PRDM1: variants seen among roughly 807,000 people sequenced by gnomAD.
PRDM1 encodes PR domain zinc finger protein 1.
PRDM1 carries 13 observed loss-of-function variants against 62.8 expected under a neutral mutation model. That is an observed-to-expected ratio of 0.21 (90% CI 0.13 to 0.33). The LOEUF (loss-of-function observed/expected upper bound fraction) is 0.33, where lower values mean the gene tolerates loss of function less well. PRDM1 is among the 10% of genes least tolerant of loss of function. The pLI is 1.00. For synonymous variants in PRDM1, 396 were observed against 417.6 expected, an observed-to-expected ratio of 0.95 and a Z score of 0.63; for missense variants, 895 against 1,058.8, an observed-to-expected ratio of 0.85 and a Z score of 2.15.
chr6:106,046,119 A>G (rs906833260), upstream of PRDM1: 13 of 152,076 alleles, frequency 8.5e-5, no homozygotes, highest in African/African-American at 3.1e-4. Context: ...CAAAACAAAC[A>G]AAAAAAACCA....
In PRDM1 at chr6:106,106,789, G is replaced by T; in HGVS notation, c.1903-122G>T. The stretch of plus-strand genomic sequence containing the variant: ...AATACCACACTGGAGGTGCCACAAG[G>T]AGGCTTCTCACCTCCTAGGTTGCTG... On this transcript the variant is annotated intron_variant, in intron 6 of 6. Coordinates refer to ENST00000369096, the MANE Select transcript of PRDM1 (RefSeq NM_001198.4). This position sits in a 1 kb window ranked among gnomAD's most constrained non-coding sequence, Gnocchi z 4.4. 8.7e-7 allele frequency: 1 copy of T among 1,148,780 alleles called. No individual in the cohort carries two copies. Among genetic ancestry groups the T allele is most frequent in the Non-Finnish European group, 1.2e-6 (1 of 811,458 alleles). The allele number at this position is 1,148,780 out of a possible 1,614,324, so 71.2% of individuals were successfully genotyped here. A position where few individuals can be genotyped will look rare whatever the true frequency, so the allele number is the denominator to read the frequency against.
intron 1 of PRDM1, among the ~76,000 whole-genome samples, chr6:106,053,919 T>A (rs928242389): frequency 2.7e-5 from 4 of 149,504 alleles, no homozygotes; most frequent in African/African-American, 9.9e-5. Context: ...AGTGGTGAGA[T>A]CTTTTGAATG....
chr6:106,021,632 T>C (rs1338301177), intron 1 of PRDM1, among the ~76,000 whole-genome samples: 1 of 152,252 alleles, frequency 6.6e-6, no homozygotes, highest in Non-Finnish European at 1.5e-5. Context: ...TATTTATTTA[T>C]TTATTGAGAC....
intron 1 of PRDM1, among the ~76,000 whole-genome samples, chr6:106,055,952 A>G (rs1262697790): frequency 6.6e-6 from 1 of 152,222 alleles, no homozygotes; most frequent in Non-Finnish European, 1.5e-5. Flanking sequence ...GTCCAAATCA[A>G]ATTAAAGCTG....
intron 1 of PRDM1, among the ~76,000 whole-genome samples, chr6:106,068,788 C>T (rs74604385): frequency 2.5e-4 from 38 of 152,296 alleles, no homozygotes; most frequent in African/African-American, 8.9e-4. Context: ...TTTTCTTTCC[C>T]CACATAAGGA....
chr6:106,078,350 A>C (rs978042412), intron 1 of PRDM1: 1 of 152,142 alleles, frequency 6.6e-6, no homozygotes, highest in African/African-American at 2.4e-5. Context: ...CCAGTTTAGA[A>C]TTTCCTCAGA....
rs115612474 is a variant in PRDM1, at chr6:106,025,009, T to G, written c.-67+31370T>G. Among the ~76,000 whole-genome samples the G allele has an allele frequency of 8.2e-3, 1,247 of 152,068 alleles. 21 individuals are homozygous for G. Among genetic ancestry groups the G allele is most frequent in the African/African-American group, 0.029 (1,204 of 41,480 alleles). The stretch of plus-strand genomic sequence containing the variant: ...CTGCTGAATATTTTCTTCCTTCCCT[T>G]GGCAAGGTAGAACTTCTTTGATCTC... On this transcript the variant is annotated intron_variant, in intron 1 of 6. Coordinates refer to the PRDM1 transcript ENST00000652320.
At chr6:106,039,893 T>C (rs904782976) in intron 1 of PRDM1, among the ~76,000 whole-genome samples, 1 of 152,264 alleles carries the variant, frequency 6.6e-6, no homozygotes, top group African/African-American at 2.4e-5. Flanking sequence ...ATTTCCCGAA[T>C]GGCAATTAAG....
intron 1 of PRDM1, among the ~76,000 whole-genome samples, chr6:106,061,466 T>C (rs1482243948): frequency 6.6e-6 from 1 of 152,252 alleles, no homozygotes; most frequent in African/African-American, 2.4e-5. Flanking sequence ...CCTGCCAGGA[T>C]GTCCCTGGTT....
At chr6:106,049,996 A>G (rs1380472256) in intron 1 of PRDM1, among the ~76,000 whole-genome samples, 59 of 152,150 alleles carry the variant, frequency 3.9e-4, no homozygotes, top group Admixed American at 3.8e-3. Flanking sequence ...CAAATGCAAA[A>G]TATTCATATT....
intron 1 of PRDM1, among the ~76,000 whole-genome samples, chr6:106,042,749 A>G (rs1426648626): frequency 6.6e-6 from 1 of 152,116 alleles, no homozygotes; most frequent in Non-Finnish European, 1.5e-5. Context: ...TGTAGATCCT[A>G]GAACTCACGG....
intron 1 of PRDM1, among the ~76,000 whole-genome samples, chr6:106,052,331 T>C (rs756616071): frequency 3.9e-5 from 6 of 152,216 alleles, no homozygotes; most frequent in African/African-American, 7.2e-5. Flanking sequence ...TTAAGTAGAC[T>C]GAATATTTTG....
At chr6:106,099,066 G>C in intron 3 of PRDM1, 1 of 1,614,046 alleles carries the variant, frequency 6.2e-7, no homozygotes. Flanking sequence ...TCCCGAACAT[G>C]AAAAGACGAT....
chr6:106,000,367 G>A (rs965818475), intron 1 of PRDM1, among the ~76,000 whole-genome samples: 1 of 152,192 alleles, frequency 6.6e-6, no homozygotes, highest in Non-Finnish European at 1.5e-5. Context: ...AGGATCGCTT[G>A]AAGCCAGAGG....
At chr6:106,073,044 T>G (rs1773544027) in intron 1 of PRDM1, among the ~76,000 whole-genome samples, 1 of 152,108 alleles carries the variant, frequency 6.6e-6, no homozygotes, top group Non-Finnish European at 1.5e-5. Flanking sequence ...ACAAATAAAT[T>G]TGTTTGCCTG....
chr6:106,010,813 G>T (rs973474919), intron 1 of PRDM1, among the ~76,000 whole-genome samples: 1 of 152,158 alleles, frequency 6.6e-6, no homozygotes, highest in African/African-American at 2.4e-5. Flanking sequence ...GAACCTGCAT[G>T]GGGCGATGAC....
chr6:106,008,973 C>G (rs1207178814), intron 1 of PRDM1, among the ~76,000 whole-genome samples: 1 of 152,196 alleles, frequency 6.6e-6, no homozygotes, highest in East Asian at 1.9e-4. Context: ...GTGGCCAGGT[C>G]CATGGCCAGG....
chr6:106,009,492 A>G (rs577416828), intron 1 of PRDM1, among the ~76,000 whole-genome samples: 1 of 152,296 alleles, frequency 6.6e-6, no homozygotes, highest in Admixed American at 6.5e-5. Flanking sequence ...AACTCTGCTC[A>G]TTTCAAAAAG....
chr6:106,042,338 T>C (rs1399055068), intron 1 of PRDM1, among the ~76,000 whole-genome samples: 1 of 150,294 alleles, frequency 6.7e-6, no homozygotes, highest in Non-Finnish European at 1.5e-5. Flanking sequence ...CTGACCAACA[T>C]GGAGAAACCC....
Sources: allele counts gnomAD v4.1 joint callset (sites outside exome capture counted in the v4.1 genomes callset), GRCh38; gene constraint gnomAD v4.1.1; non-coding constraint Gnocchi (gnomAD v3.1); transcripts MANE v1.5; gene names NCBI Gene and HGNC (gene_info 2026-07-23, HGNC 2026-07-21).